KRAS: variants seen among roughly 807,000 people sequenced by gnomAD.
The protein encoded by KRAS is GTPase KRas.
A neutral mutation model predicts 21.0 loss-of-function variants in KRAS; 1 was observed. The observed-to-expected ratio is 0.05, with a 90% CI of 0.02 to 0.23. The LOEUF (loss-of-function observed/expected upper bound fraction) is 0.23, where lower values mean the gene tolerates loss of function less well. KRAS is among the 10% of genes least tolerant of loss of function. KRAS has a pLI of 1.00. For missense variants in KRAS, 107 were observed against 221.8 expected (o/e 0.48, Z 3.29); for synonymous variants, 67 against 72.5 (o/e 0.92, Z 0.39).
At chr12:25,246,731 C>A (rs570650374) in intron 1 of KRAS, among the ~76,000 whole-genome samples, 6 of 151,598 alleles carry the variant, frequency 4.0e-5, no homozygotes, top group African/African-American at 1.5e-4. Context: ...CCTGGCTAAC[C>A]CGGTGAAACC....
At chr12:25,242,025 AAAAATAAAAAT>A (rs1169142870) in intron 2 of KRAS, among the ~76,000 whole-genome samples, 12 of 152,356 alleles carry the variant, frequency 7.9e-5, no homozygotes, top group African/African-American at 2.6e-4. Flanking sequence ...ATGAACATGG[AAAAATAAAAAT>A]AAAATAAAAA....
chr12:25,250,306 G>C (rs981877101), intron 1 of KRAS, among the ~76,000 whole-genome samples: 5 of 152,116 alleles, frequency 3.3e-5, no homozygotes, highest in Non-Finnish European at 7.4e-5. Flanking sequence ...CGAGGCAGCC[G>C]AGTGCTGGAA....
chr12:25,225,288 A>ATTTTTATT (rs1294642780), intron 4 of KRAS: 15 of 4,332 alleles, frequency 3.5e-3, no homozygotes, highest in African/African-American at 0.011. Context: ...CCTGTTCTTT[A>ATTTTTATT]TATATATATA....
intron 2 of KRAS, among the ~76,000 whole-genome samples, chr12:25,237,122 T>C (rs1043631354): frequency 2.0e-5 from 3 of 152,192 alleles, no homozygotes; most frequent in Non-Finnish European, 2.9e-5. Context: ...AATATCATCC[T>C]GTGTGGAGGA....
At chr12:25,241,777 ACT>A (rs1951613230) in intron 2 of KRAS, among the ~76,000 whole-genome samples, 1 of 151,844 alleles carries the variant, frequency 6.6e-6, no homozygotes. Flanking sequence ...CAGTAGCAGT[ACT>A]CTCTCCCCAA....
chr12:25,241,932 A>G (rs1951615247), intron 2 of KRAS, among the ~76,000 whole-genome samples: 1 of 152,230 alleles, frequency 6.6e-6, no homozygotes, highest in African/African-American at 2.4e-5. Flanking sequence ...CTTTTCTTAT[A>G]CCAGTCTTCA....
At chr12:25,241,338 GTTAC>G (rs1443444073) in intron 2 of KRAS, among the ~76,000 whole-genome samples, 5 of 152,156 alleles carry the variant, frequency 3.3e-5, no homozygotes, top group African/African-American at 4.8e-5. Context: ...GGATTTCACT[GTTAC>G]TTGTTATAAA....
Position 25,221,788 on chromosome 12 carries a change from C to T in KRAS, c.450+3826G>A, listed in dbSNP as rs184820205. On this transcript the variant is annotated intron_variant, in intron 4 of 4. Transcript: ENST00000311936. ...GTGTTTTAGGCTCATGATCAAGACCCCAAAAGTTAGGGCATAAAACAACTT... is the reference window on the plus strand; with the variant it reads ...GTGTTTTAGGCTCATGATCAAGACCTCAAAAGTTAGGGCATAAAACAACTT... 5.5e-4 allele frequency among the ~76,000 whole-genome samples: 84 copies of T among 152,114 alleles called. No homozygotes were observed. In the Middle Eastern group the frequency reaches 0.02, roughly 37 times the overall value.
At chr12:25,250,312 T>C (rs556326967) in intron 1 of KRAS, among the ~76,000 whole-genome samples, 16 of 151,030 alleles carry the variant, frequency 1.1e-4, no homozygotes, top group African/African-American at 3.9e-4. Context: ...AGCCGAGTGC[T>C]GGAAAGGGAG....
chr12:25,235,553 G>A, intron 2 of KRAS, among the ~76,000 whole-genome samples: 1 of 152,140 alleles, frequency 6.6e-6, no homozygotes, highest in East Asian at 1.9e-4. Context: ...GAGTGGAAGA[G>A]ACATGAACGT....
chr12:25,248,176 AAG>A, intron 1 of KRAS, among the ~76,000 whole-genome samples: 1 of 152,080 alleles, frequency 6.6e-6, no homozygotes, highest in African/African-American at 2.4e-5. Context: ...GATAATTTTT[AAG>A]AGTGTAGGCC....
At position 25,215,860 on chromosome 12, in the gene KRAS, GCAAC is replaced by G. The variant is rs1293613340; in HGVS notation, c.451-5953_451-5950del. ...TATTAGCATCTGTTTGTCAATTAAT[GCAAC>G]CATTTTAGTTTGCTAGTCCTGGAAT... On this transcript the variant is annotated intron_variant, in intron 4 of 4. Transcript: ENST00000311936. 2.0e-5 allele frequency among the ~76,000 whole-genome samples: 3 copies of G among 152,236 alleles called. No individual in the cohort carries two copies. The East Asian group carries it at 5.8e-4, about 29-fold the overall frequency.
Position 25,209,140 on chromosome 12 carries a change from C to T in KRAS, c.*655G>A. On this transcript the variant is annotated 3_prime_UTR_variant, in exon 5 of 5. Transcript: ENST00000311936. ...TTTATCTAATGTGAAAAGGAAATGG[C>T]CTTATAATAGTTTCCATTGCCTTGT... The T allele has an allele frequency of 1.6e-6, 1 of 623,162 alleles. No individual in the cohort carries two copies. The highest frequency in any genetic ancestry group is 2.0e-5 in the South Asian group (1 of 49,844). The allele number at this position is 623,162 out of a possible 1,614,324, so 38.6% of individuals were successfully genotyped here.
rs757816355 is a variant in KRAS, at chr12:25,225,657, C to G, written c.407G>C (p.Ser136Thr). ...TGTTTCAATAAAAGGAATTCCATAACTTCTTGCTAAGTCCTGAGCCTGTTT... is the reference window on the plus strand; with the variant it reads ...TGTTTCAATAAAAGGAATTCCATAAGTTCTTGCTAAGTCCTGAGCCTGTTT... ...DTKQAQDLAR[S>T]YGIPFIETSA... The change falls in exon 4 of 5, where the codon AGT (serine) becomes ACT (threonine). Residue 136 changes from serine to threonine, a missense_variant. By Grantham distance (58) the Ser-to-Thr change is moderately conservative. Transcript: ENST00000311936. The G allele has an allele frequency of 6.8e-6, 11 of 1,613,224 alleles. No individual in the cohort carries two copies. Among genetic ancestry groups the G allele is most frequent in the Non-Finnish European group, 9.3e-6 (11 of 1,179,514 alleles).
At chr12:25,224,829 A>G (rs1951369943) in intron 4 of KRAS, among the ~76,000 whole-genome samples, 2 of 152,158 alleles carry the variant, frequency 1.3e-5, no homozygotes, top group South Asian at 4.1e-4. Context: ...TTGCACAATG[A>G]CAAAATCACC....
intron 4 of KRAS, among the ~76,000 whole-genome samples, chr12:25,213,813 T>C (rs1951224821): frequency 6.6e-6 from 1 of 152,218 alleles, no homozygotes; most frequent in Admixed American, 6.5e-5. Flanking sequence ...CCATGAACTT[T>C]ATGATACCTA....
chr12:25,213,727 G>C (rs930201090), intron 4 of KRAS, among the ~76,000 whole-genome samples: 1 of 152,148 alleles, frequency 6.6e-6, no homozygotes, highest in South Asian at 2.1e-4. Context: ...AGTAGTTTTT[G>C]AAAACTGTAA....
At chr12:25,223,808 A>G (rs1373023770) in intron 4 of KRAS, among the ~76,000 whole-genome samples, 1 of 151,960 alleles carries the variant, frequency 6.6e-6, no homozygotes, top group East Asian at 1.9e-4. Flanking sequence ...TTGTTCAGCA[A>G]TTTTTTTTAA....
intron 2 of KRAS, among the ~76,000 whole-genome samples, chr12:25,232,252 G>A (rs1032554193): frequency 2.0e-5 from 3 of 152,052 alleles, no homozygotes; most frequent in East Asian, 1.9e-4. Context: ...GCCAAATCTT[G>A]CCCACTGTTT....
Sources: allele counts gnomAD v4.1 joint callset (sites outside exome capture counted in the v4.1 genomes callset), GRCh38; gene constraint gnomAD v4.1.1; transcripts MANE v1.5; gene names NCBI Gene and HGNC (gene_info 2026-07-23, HGNC 2026-07-21).